Variants in SH2B2 observed in about 807,000 individuals in gnomAD.
SH2B2 encodes the protein SH2B adapter protein 2.
SH2B2 carries 37 observed loss-of-function variants against 35.7 expected under a neutral mutation model. The ratio of observed to expected loss-of-function variants is 1.04; its 90% CI spans 0.80 to 1.36. The LOEUF (loss-of-function observed/expected upper bound fraction) is 1.36. Among genes scored for constraint, SH2B2 ranks in the 40% most tolerant of loss-of-function variants. SH2B2 has a pLI of 0.00. For missense variants in SH2B2, 852 were observed against 817.7 expected (o/e 1.04, Z -0.51); for synonymous variants, 383 against 376.4 (o/e 1.02, Z -0.20).
intron 6 of SH2B2, among the ~76,000 whole-genome samples, chr7:102,316,744 C>T (rs537219624): frequency 4.6e-5 from 7 of 152,018 alleles, no homozygotes; most frequent in African/African-American, 9.7e-5. Flanking sequence ...TAAGGCTGGG[C>T]GCAATGGCTT....
intron 2 of SH2B2, among the ~76,000 whole-genome samples, chr7:102,301,601 T>C (rs1793201355): frequency 6.6e-6 from 1 of 151,906 alleles, no homozygotes; most frequent in Non-Finnish European, 1.5e-5. Context: ...TGTGTGTGTG[T>C]CCCTCTGTCA....
At chr7:102,293,818 G>A (rs546784929) in intron 1 of SH2B2, among the ~76,000 whole-genome samples, 49 of 152,216 alleles carry the variant, frequency 3.2e-4, no homozygotes, top group African/African-American at 1.1e-3. Flanking sequence ...GGGAAGTGGA[G>A]GCACCAAGAG....
intron 4 of SH2B2, chr7:102,309,276 G>A: frequency 2.4e-6 from 1 of 413,232 alleles, no homozygotes; most frequent in South Asian, 1.9e-5. Context: ...ACTTTGGGAG[G>A]CCCAGCTGGG....
chr7:102,297,057 A>G lies in SH2B2; in HGVS notation c.-29-3465A>G, dbSNP rs1044204746. 1.3e-5 allele frequency among the ~76,000 whole-genome samples: 2 copies of G among 152,206 alleles called. No individual in the cohort carries two copies. Among genetic ancestry groups the G allele is most frequent in the Non-Finnish European group, 2.9e-5 (2 of 68,038 alleles). On this transcript the variant is annotated intron_variant, in intron 1 of 8. Coordinates refer to ENST00000444095, the MANE Select transcript of SH2B2 (RefSeq NM_001359228.2). The surrounding 1 kb of genome is among the most constrained non-coding windows in gnomAD (Gnocchi z 4.3). ...CCAAGGCTTCAGATACCCGTGGTCA[A>G]CAGAGGTCTGAAAATATTAAATAGA...
chr7:102,297,951 C>CGA lies in SH2B2; in HGVS notation c.-29-2571_-29-2570insGA, dbSNP rs1792987139. ...CATTCTCAAGAGTGGTCAGGGAAGG[C>CGA]TATCCGCCAAGCCATTGGTTGAGCA... On this transcript the variant is annotated intron_variant, in intron 1 of 8. Coordinates refer to ENST00000444095, the MANE Select transcript of SH2B2 (RefSeq NM_001359228.2). This position sits in a 1 kb window ranked among gnomAD's most constrained non-coding sequence, Gnocchi z 4.3. Among the ~76,000 whole-genome samples, 3 of 152,172 alleles carry CGA rather than the reference C, an allele frequency of 2.0e-5. No individual in the cohort carries two copies. Among genetic ancestry groups the CGA allele is most frequent in the African/African-American group, 7.2e-5 (3 of 41,448 alleles).
At chr7:102,298,642 C>T (rs1447907524) in intron 1 of SH2B2, among the ~76,000 whole-genome samples, 1 of 152,136 alleles carries the variant, frequency 6.6e-6, no homozygotes, top group African/African-American at 2.4e-5. Flanking sequence ...TACAGTGGCC[C>T]CATCACAACT....
chr7:102,308,778 G>C, intron 3 of SH2B2, 37 bp from the exon 4 acceptor site: 1 of 1,516,598 alleles, frequency 6.6e-7, no homozygotes, highest in Non-Finnish European at 9.2e-7. Flanking sequence ...CCCATCTGCT[G>C]ACCGTGTTCT....
At chr7:102,292,809 C>T (rs1026158854) in intron 1 of SH2B2, among the ~76,000 whole-genome samples, 1 of 152,224 alleles carries the variant, frequency 6.6e-6, no homozygotes, top group Non-Finnish European at 1.5e-5. Context: ...GACCGTCTCC[C>T]CCTTCATGCA....
At chr7:102,294,112 C>T (rs1273852005) in intron 1 of SH2B2, among the ~76,000 whole-genome samples, 1 of 152,204 alleles carries the variant, frequency 6.6e-6, no homozygotes, top group Non-Finnish European at 1.5e-5. Context: ...CTCACTGCAG[C>T]CTCAACTTTC....
At chr7:102,285,568 G>A (rs1323230636), upstream of SH2B2, among the ~76,000 whole-genome samples, 2 of 152,368 alleles carry the variant, frequency 1.3e-5, no homozygotes, top group South Asian at 4.1e-4. Flanking sequence ...CAGCACCGGG[G>A]TTTTGGGCAG....
chr7:102,286,866 G>A (rs1273311239), upstream of SH2B2: 11 of 534 alleles, frequency 0.021, 2 homozygotes, highest in African/African-American at 0.095. Flanking sequence ...GGGCGGAGGG[G>A]CGCGCCGCGC....
At chr7:102,314,458 C>T (rs922335717) in intron 5 of SH2B2, 31 bp downstream of exon 5, 41 of 398,646 alleles carry the variant, frequency 1.0e-4, no homozygotes, top group African/African-American at 8.0e-4. Flanking sequence ...GAAGGAGGGG[C>T]ACACTCAGGG....
intron 4 of SH2B2, among the ~76,000 whole-genome samples, chr7:102,313,643 A>G (rs1793708447): frequency 6.6e-6 from 1 of 152,040 alleles, no homozygotes; most frequent in South Asian, 2.1e-4. Flanking sequence ...GGCCGGGCGC[A>G]GTGGCTCACG....
intron 2 of SH2B2, among the ~76,000 whole-genome samples, chr7:102,303,955 T>C (rs1011837985): frequency 1.1e-4 from 16 of 152,042 alleles, no homozygotes; most frequent in Admixed American, 5.2e-4. Context: ...CACTGGGCCC[T>C]TCCCCTCCTT....
In SH2B2 at chr7:102,308,913, G is replaced by A. The variant is rs139443402; in HGVS notation, c.923+7G>A. The A allele has an allele frequency of 1.7e-5, 27 of 1,611,932 alleles. No individual in the cohort carries two copies. In the East Asian group the frequency reaches 5.8e-4, roughly 35 times the overall value. ...AGGGCTGCGTGGACCCCGGGTGAGT[G>A]TCCAAGTGGCCCGAAGATGGGTGGA... On this transcript the variant is annotated splice_region_variant and intron_variant, in intron 4 of 8. Transcript: ENST00000444095.
intron 1 of SH2B2, among the ~76,000 whole-genome samples, chr7:102,289,356 G>A (rs904681916): frequency 5.3e-5 from 8 of 152,154 alleles, no homozygotes; most frequent in African/African-American, 1.9e-4. Context: ...GGTGGAGGTG[G>A]GAAGAGGATC....
In SH2B2 at chr7:102,320,351, C is replaced by A. The variant is rs371577042; in HGVS notation, c.1416C>A (p.Asn472Lys). The A allele has an allele frequency of 6.2e-7, 1 of 1,611,944 alleles. No individual in the cohort carries two copies. Among genetic ancestry groups the A allele is most frequent in the Non-Finnish European group, 8.5e-7 (1 of 1,179,844 alleles). ...GKAKHLRLSLNGHGQCHVQHL... is the reference protein window; with the variant it reads ...GKAKHLRLSLKGHGQCHVQHL... The stretch of plus-strand genomic sequence containing the variant: ...CACAGCACCTGCGCCTGTCCCTGAA[C>A]GGCCACGGCCAGTGTCACGTACAGC... Residue 472 changes from asparagine to lysine, a missense_variant, in exon 8 of 9, where the codon AAC (asparagine) becomes AAA (lysine). Asn to Lys is a moderately conservative substitution (Grantham distance 94). Transcript: ENST00000444095.
chr7:102,288,168 G>A (rs1554551162), intron 1 of SH2B2, among the ~76,000 whole-genome samples: 1 of 152,058 alleles, frequency 6.6e-6, no homozygotes, highest in Non-Finnish European at 1.5e-5. Context: ...AAGAGGTTTT[G>A]ACTGCCTCTT....
intron 8 of SH2B2, 65 bp from the exon 9 acceptor site, chr7:102,321,234 C>T: frequency 2.4e-6 from 3 of 1,267,956 alleles, no homozygotes; most frequent in Non-Finnish European, 3.0e-6. Flanking sequence ...TGAGGGATCC[C>T]GGCCTCCCTG....
Sources: gnomAD v4.1 joint callset for allele counts (sites outside exome capture counted in the v4.1 genomes callset) on GRCh38, gnomAD v4.1.1 for gene constraint, Gnocchi (gnomAD v3.1) non-coding constraint, MANE v1.5 for transcripts, NCBI Gene and HGNC (gene_info 2026-07-23, HGNC 2026-07-21) for gene names.